APP: variants seen among roughly 807,000 people sequenced by gnomAD.
The protein encoded by APP is amyloid-beta precursor protein.
Under a neutral mutation model 101.4 loss-of-function variants are expected in APP, and 31 were observed. That is an observed-to-expected ratio of 0.31 (90% CI 0.23 to 0.41). APP has a LOEUF of 0.41. Ranked by LOEUF, APP falls within the 10% of genes least tolerant of loss-of-function variation. The pLI, the probability that APP is intolerant of heterozygous loss-of-function variation, is 1.00. For missense variants in APP, 839 were observed against 1,003.7 expected (o/e 0.84, Z 2.22); for synonymous variants, 366 against 364.4 (o/e 1.00, Z -0.05).
intron 6 of APP, among the ~76,000 whole-genome samples, chr21:26,004,758 C>CGTCAT (rs2043450120): frequency 6.6e-6 from 1 of 152,104 alleles, no homozygotes; most frequent in South Asian, 2.1e-4. Context: ...CCCATAAACT[C>CGTCAT]GTCATTTACA....
intron 11 of APP, among the ~76,000 whole-genome samples, chr21:25,972,965 T>A (rs1334705247): frequency 6.6e-6 from 1 of 152,136 alleles, no homozygotes; most frequent in Non-Finnish European, 1.5e-5. Flanking sequence ...TGGAGTGGTA[T>A]AATATCATTT....
chr21:25,939,001 A>G (rs1569081553), intron 13 of APP, among the ~76,000 whole-genome samples: 2 of 152,204 alleles, frequency 1.3e-5, no homozygotes, highest in Non-Finnish European at 2.9e-5. Flanking sequence ...AATAAAAAAC[A>G]TCTGATTTTT....
intron 17 of APP, among the ~76,000 whole-genome samples, chr21:25,887,047 G>A (rs773508702): frequency 6.6e-6 from 1 of 152,130 alleles, no homozygotes; most frequent in Non-Finnish European, 1.5e-5. Flanking sequence ...GGGGCGGGGA[G>A]ACTTCTGGTG....
At chr21:25,981,747 T>G (rs4817076) in intron 9 of APP, among the ~76,000 whole-genome samples, 1 of 126,924 alleles carries the variant, frequency 7.9e-6, no homozygotes, top group East Asian at 2.2e-4. Flanking sequence ...CAAAGTATAA[T>G]GAAAGGAGTA....
In APP at chr21:25,880,656, T is replaced by C. The variant is rs2036928806; in HGVS notation, c.*1014A>G. Reference sequence around the variant, plus strand: ...CAGGCATGCCTTCCTCATCCCCTTATATTGCCACTTCCATTTTCATCTTCT... The same window carrying C: ...CAGGCATGCCTTCCTCATCCCCTTACATTGCCACTTCCATTTTCATCTTCT... On this transcript the variant is annotated 3_prime_UTR_variant, in exon 18 of 18. Transcript: ENST00000346798. The C allele has an allele frequency of 6.6e-6, 1 of 152,250 alleles. No homozygotes were observed. The highest frequency in any genetic ancestry group is 1.5e-5 in the Non-Finnish European group (1 of 68,034). The allele number at this position is 152,250 out of a possible 1,614,324, so 9.4% of individuals were successfully genotyped here.
At chr21:25,982,595 G>C in intron 8 of APP, 118 bp from the exon 9 acceptor site, 1 of 974,250 alleles carries the variant, frequency 1.0e-6, no homozygotes, top group Non-Finnish European at 1.6e-6. Context: ...ATTTAGTAAA[G>C]CAGCGCATAC....
intron 16 of APP, 108 bp from the exon 17 acceptor site, chr21:25,891,976 G>T: frequency 8.5e-7 from 1 of 1,172,428 alleles, no homozygotes; most frequent in Non-Finnish European, 1.2e-6. Context: ...GGGACATTTG[G>T]ATGAGGTTAT....
intron 3 of APP, among the ~76,000 whole-genome samples, chr21:26,059,908 A>AAAAAAAAAAAAAAAAG (rs1254893943): frequency 6.7e-6 from 1 of 149,186 alleles, no homozygotes; most frequent in African/African-American, 2.5e-5. Flanking sequence ...AAAAAAAAAA[A>AAAAAAAAAAAAAAAAG]AAAAAAAAAA....
rs111850859 is a variant in APP, at chr21:26,010,655, CA to C, written c.866-10474del. ...TGAAACCCTGTCTCTACTAAAACTACAAAAAAAAAAAATATATTAGCCGGGC... is the reference window on the plus strand; with the variant it reads ...TGAAACCCTGTCTCTACTAAAACTACAAAAAAAAAAATATATTAGCCGGGC... On this transcript the variant is annotated intron_variant, in intron 6 of 17. Transcript: ENST00000346798. Among the ~76,000 whole-genome samples the C allele has an allele frequency of 7.9e-3, 1,133 of 142,592 alleles. 7 individuals are homozygous for C. The highest frequency in any genetic ancestry group is 0.011 in the Non-Finnish European group (746 of 64,944). The allele number at this position is 142,592 out of a possible 152,430, so 93.5% of individuals were successfully genotyped here.
chr21:25,884,211 G>C (rs1162887304), intron 17 of APP, among the ~76,000 whole-genome samples: 1 of 152,184 alleles, frequency 6.6e-6, no homozygotes, highest in African/African-American at 2.4e-5. Flanking sequence ...TTATGGAAGA[G>C]ACTGTGCGCC....
chr21:26,062,103 G>A (rs567022453), intron 3 of APP, among the ~76,000 whole-genome samples: 4 of 152,018 alleles, frequency 2.6e-5, no homozygotes, highest in South Asian at 2.1e-4. Context: ...CCAGCTACTC[G>A]GGAGGCTGAG....
At chr21:25,914,654 C>T (rs1427873771) in intron 13 of APP, among the ~76,000 whole-genome samples, 1 of 148,968 alleles carries the variant, frequency 6.7e-6, no homozygotes, top group East Asian at 2.0e-4. Flanking sequence ...CCCGGGTTGA[C>T]GCCATTCTCC....
chr21:26,079,092 T>C (rs1467900179), intron 3 of APP, among the ~76,000 whole-genome samples: 1 of 152,032 alleles, frequency 6.6e-6, no homozygotes, highest in Non-Finnish European at 1.5e-5. Flanking sequence ...TCAAGATTTT[T>C]ATTTGCTTTG....
intron 2 of APP, 45 bp downstream of exon 2, chr21:26,111,934 T>C (rs1386547454): frequency 1.9e-6 from 3 of 1,608,460 alleles, no homozygotes; most frequent in Admixed American, 1.7e-5. Context: ...TGAAAACAAA[T>C]GCATGTGATC....
intron 3 of APP, among the ~76,000 whole-genome samples, chr21:26,063,414 T>C (rs1468534218): frequency 2.0e-5 from 3 of 152,270 alleles, no homozygotes; most frequent in Non-Finnish European, 2.9e-5. Context: ...ATTTTAATAC[T>C]ATTCTCCAAT....
intron 13 of APP, among the ~76,000 whole-genome samples, chr21:25,912,793 T>A (rs2829983): frequency 6.6e-6 from 1 of 152,076 alleles, no homozygotes; most frequent in Non-Finnish European, 1.5e-5. Flanking sequence ...TTGACTTATC[T>A]TTTCTTACTG....
intron 11 of APP, among the ~76,000 whole-genome samples, chr21:25,960,330 T>TG (rs1286795522): frequency 6.6e-6 from 1 of 152,158 alleles, no homozygotes; most frequent in African/African-American, 2.4e-5. Context: ...CAGGGAGGTT[T>TG]GAGGAGTTCC....
intron 13 of APP, among the ~76,000 whole-genome samples, chr21:25,914,642 CT>C (rs2039259051): frequency 6.6e-6 from 1 of 151,354 alleles, no homozygotes; most frequent in African/African-American, 2.4e-5. Context: ...CAAGCTCCGC[CT>C]CCCGGGTTGA....
chr21:26,072,233 G>A (rs1421725546), intron 3 of APP, among the ~76,000 whole-genome samples: 1 of 152,132 alleles, frequency 6.6e-6, no homozygotes, highest in Non-Finnish European at 1.5e-5. Flanking sequence ...GGCAATATGT[G>A]CATTTTTCCA....
Sources: gnomAD v4.1 joint callset for allele counts (sites outside exome capture counted in the v4.1 genomes callset) on GRCh38, gnomAD v4.1.1 for gene constraint, MANE v1.5 for transcripts, NCBI Gene and HGNC (gene_info 2026-07-23, HGNC 2026-07-21) for gene names.